DISC1: variants seen among roughly 807,000 people sequenced by gnomAD.
DISC1 encodes disrupted in schizophrenia 1 protein.
DISC1 carries 57 observed loss-of-function variants against 84.5 expected under a neutral mutation model. The observed-to-expected ratio is 0.67, with a 90% CI of 0.55 to 0.84. The LOEUF is 0.84. Ranked by LOEUF, DISC1 falls within the 40% of genes least tolerant of loss-of-function variation. The pLI is 0.00. For synonymous variants in DISC1, 411 were observed against 415.2 expected, an observed-to-expected ratio of 0.99 and a Z score of 0.12; for missense variants, 1,000 against 1,057.8, an observed-to-expected ratio of 0.95 and a Z score of 0.76.
At chr1:231,907,813 T>C (rs1264406011) in intron 9 of DISC1, among the ~76,000 whole-genome samples, 4 of 152,216 alleles carry the variant, frequency 2.6e-5, no homozygotes, top group African/African-American at 9.6e-5. Context: ...TGTTCCTATT[T>C]CTCCACATCC....
chr1:231,756,621 T>G (rs1009940009), intron 4 of DISC1, among the ~76,000 whole-genome samples: 4 of 151,896 alleles, frequency 2.6e-5, no homozygotes, highest in Admixed American at 6.6e-5. Context: ...CTTCAGCTTT[T>G]CTTCTGAAAT....
At chr1:231,989,985 A>G (rs992534966) in intron 10 of DISC1, among the ~76,000 whole-genome samples, 3 of 152,044 alleles carry the variant, frequency 2.0e-5, no homozygotes, top group African/African-American at 7.2e-5. Flanking sequence ...TTCTGGGATA[A>G]AACTTGCAGC....
intron 3 of DISC1, among the ~76,000 whole-genome samples, chr1:231,720,410 C>T (rs774647177): frequency 1.3e-5 from 2 of 152,130 alleles, no homozygotes; most frequent in African/African-American, 2.4e-5. Context: ...ATGATCATAG[C>T]TCACTGCTGC....
At chr1:231,949,394 T>G (rs917073293) in intron 9 of DISC1, among the ~76,000 whole-genome samples, 1 of 152,112 alleles carries the variant, frequency 6.6e-6, no homozygotes, top group African/African-American at 2.4e-5. Context: ...ATGTGTGTGT[T>G]TTGAGGTGGG....
chr1:231,702,589 G>A lies in DISC1; in HGVS notation c.1117+565G>A, dbSNP rs561719884. On this transcript the variant is annotated intron_variant, in intron 3 of 12. Coordinates refer to ENST00000439617, the MANE Select transcript of DISC1 (RefSeq NM_018662.3). ...CCTAAAATACCCAAGAGAAAAAGAAGTTACAACATTAGACCAGAGATAGAG... is the reference window on the plus strand; with the variant it reads ...CCTAAAATACCCAAGAGAAAAAGAAATTACAACATTAGACCAGAGATAGAG... The A allele has an allele frequency of 2.7e-5, 27 of 985,234 alleles. No individual in the cohort carries two copies. The South Asian group carries it at 9.9e-4, about 36-fold the overall frequency. The allele number at this position is 985,234 out of a possible 1,614,324, so 61.0% of individuals were successfully genotyped here.
chr1:231,780,255 A>G (rs1388621370), intron 6 of DISC1, among the ~76,000 whole-genome samples: 4 of 151,174 alleles, frequency 2.6e-5, no homozygotes, highest in African/African-American at 9.7e-5. Context: ...AAAAAAAGAA[A>G]AGGAAAGAAT....
chr1:231,804,090 G>A (rs865884344), intron 8 of DISC1, among the ~76,000 whole-genome samples: 1 of 151,926 alleles, frequency 6.6e-6, no homozygotes, highest in Non-Finnish European at 1.5e-5. Context: ...AAGGAAACAG[G>A]TTTTACCCCA....
rs1331361790 is a variant in DISC1, at chr1:231,630,284, A to G, written c.67+3350A>G. 6.6e-6 allele frequency among the ~76,000 whole-genome samples: 1 copy of G among 152,080 alleles called. No individual in the cohort carries two copies. Among genetic ancestry groups the G allele is most frequent in the Non-Finnish European group, 1.5e-5 (1 of 68,004 alleles). ...AAGTTTCTGAGTACAAAAAAAGGTAATATTTTAGGTTAGGGTCATTAGACC... is the reference window on the plus strand; with the variant it reads ...AAGTTTCTGAGTACAAAAAAAGGTAGTATTTTAGGTTAGGGTCATTAGACC... On this transcript the variant is annotated intron_variant, in intron 1 of 12. Coordinates refer to ENST00000439617, the MANE Select transcript of DISC1 (RefSeq NM_018662.3). This position sits in a 1 kb window ranked among gnomAD's most constrained non-coding sequence, Gnocchi z 4.4.
At chr1:231,808,255 G>T (rs1014063558) in intron 8 of DISC1, among the ~76,000 whole-genome samples, 1 of 152,132 alleles carries the variant, frequency 6.6e-6, no homozygotes, top group African/African-American at 2.4e-5. Context: ...TCCTGTGAGG[G>T]CTGGAACCAC....
intron 9 of DISC1, among the ~76,000 whole-genome samples, chr1:231,886,070 G>A (rs1176656294): frequency 1.3e-5 from 2 of 152,124 alleles, no homozygotes; most frequent in Non-Finnish European, 2.9e-5. Context: ...AAGCAAGGGG[G>A]GGCCAAGTTG....
chr1:232,023,297 CTTAT>C (rs1669135538), intron 11 of DISC1, among the ~76,000 whole-genome samples: 1 of 152,064 alleles, frequency 6.6e-6, no homozygotes, highest in Non-Finnish European at 1.5e-5. Flanking sequence ...TGTACCAGAA[CTTAT>C]TTAACTATTC....
At chr1:231,932,103 G>A (rs1381402090) in intron 9 of DISC1, among the ~76,000 whole-genome samples, 5 of 152,088 alleles carry the variant, frequency 3.3e-5, no homozygotes, top group African/African-American at 4.8e-5. Flanking sequence ...TTGGTGTGGC[G>A]GACCATAAGA....
At chr1:231,772,528 C>G (rs1342509989) in intron 6 of DISC1, among the ~76,000 whole-genome samples, 2 of 152,136 alleles carry the variant, frequency 1.3e-5, no homozygotes, top group African/African-American at 4.8e-5. Context: ...TCACTCAACT[C>G]ATTATTGGCC....
chr1:231,989,911 G>C (rs557212579), intron 10 of DISC1, among the ~76,000 whole-genome samples: 1 of 152,250 alleles, frequency 6.6e-6, no homozygotes, highest in African/African-American at 2.4e-5. Flanking sequence ...GGTGGAGCTG[G>C]GCTTTGAACC....
At chr1:231,774,900 G>A (rs1460306078) in intron 6 of DISC1, 1 of 373,860 alleles carries the variant, frequency 2.7e-6, no homozygotes, top group Non-Finnish European at 5.3e-6. Context: ...AGTATTGGTT[G>A]TCTTTTAGAA....
rs115025895 is a variant in DISC1, at chr1:232,020,701, C to T, written c.2308-5734C>T. 8.8e-3 allele frequency among the ~76,000 whole-genome samples: 1,337 copies of T among 152,282 alleles called. 19 individuals are homozygous for T. Among genetic ancestry groups the T allele is most frequent in the African/African-American group, 0.029 (1,220 of 41,562 alleles). On this transcript the variant is annotated intron_variant, in intron 11 of 12. Coordinates refer to ENST00000439617, the MANE Select transcript of DISC1 (RefSeq NM_018662.3). ...AGTGCTTCCAAAGCTTTCACTGAGA[C>T]ACCTTCTTTGAAAAAAAAAGTTTCT...
At chr1:231,667,541 A>G (rs983411045) in intron 1 of DISC1, among the ~76,000 whole-genome samples, 2 of 152,326 alleles carry the variant, frequency 1.3e-5, no homozygotes, top group Non-Finnish European at 2.9e-5. Context: ...AGTAAATCCA[A>G]TTCAGCCTTC....
At chr1:231,905,140 G>A (rs2088531326) in intron 9 of DISC1, among the ~76,000 whole-genome samples, 1 of 152,152 alleles carries the variant, frequency 6.6e-6, no homozygotes, top group Admixed American at 6.5e-5. Context: ...TCAGCAATGG[G>A]ACAAGTCGAA....
At chr1:231,721,214 A>G in intron 3 of DISC1, 3 of 827,942 alleles carry the variant, frequency 3.6e-6, no homozygotes, top group Non-Finnish European at 3.3e-6. Flanking sequence ...AGCTATGTCA[A>G]CATATTAATT....
Sources: gnomAD v4.1 joint callset for allele counts (sites outside exome capture counted in the v4.1 genomes callset) on GRCh38, gnomAD v4.1.1 for gene constraint, Gnocchi (gnomAD v3.1) non-coding constraint, MANE v1.5 for transcripts, NCBI Gene and HGNC (gene_info 2026-07-23, HGNC 2026-07-21) for gene names.